The following GPHN variants were observed in gnomAD, a reference collection of about 807,000 sequenced individuals.
GPHN encodes gephyrin.
In GPHN, 17 loss-of-function variants were observed where a neutral mutation model predicts 95.5. That is an observed-to-expected ratio of 0.18 (90% CI 0.12 to 0.27). GPHN has a LOEUF of 0.27. Among genes scored for constraint, GPHN ranks in the 10% least tolerant of loss-of-function variants. The pLI, the probability that GPHN is intolerant of heterozygous loss-of-function variation, is 1.00. For synonymous variants in GPHN, 320 were observed against 322.5 expected, an observed-to-expected ratio of 0.99 and a Z score of 0.08; for missense variants, 660 against 978.1, an observed-to-expected ratio of 0.67 and a Z score of 4.34.
intron 1 of GPHN, among the ~76,000 whole-genome samples, chr14:66,584,280 A>G (rs2140501069): frequency 6.6e-6 from 1 of 152,150 alleles, no homozygotes; most frequent in Admixed American, 6.5e-5. Context: ...GCTTAAGGAG[A>G]TTTTGGGCTG....
At chr14:67,542,000 C>A in the GPHN span, 1 of 1,599,038 alleles carries the variant, frequency 6.3e-7, no homozygotes, top group South Asian at 1.1e-5. Flanking sequence ...CAAGGTGAGT[C>A]CCTCAGAGCA....
intron 16 of GPHN, among the ~76,000 whole-genome samples, chr14:67,119,417 G>A (rs1442419422): frequency 6.6e-6 from 1 of 152,214 alleles, no homozygotes. Flanking sequence ...TGAAAATGTA[G>A]GGTCAAGGAA....
chr14:67,199,886 C>A, the GPHN span: 4 of 1,488,626 alleles, frequency 2.7e-6, no homozygotes, highest in Non-Finnish European at 3.6e-6. Context: ...CATGGCCCCC[C>A]ATCGGCAGGA....
the GPHN span, among the ~76,000 whole-genome samples, chr14:67,510,018 T>A: frequency 2.1e-5 from 2 of 93,582 alleles, no homozygotes; most frequent in African/African-American, 2.9e-5. Flanking sequence ...TCTAAAAAAA[T>A]TTTTTTATTA....
intron 1 of GPHN, among the ~76,000 whole-genome samples, chr14:66,584,254 C>G (rs1459778730): frequency 2.0e-5 from 3 of 152,098 alleles, no homozygotes; most frequent in African/African-American, 7.2e-5. Flanking sequence ...TGAGACTTTG[C>G]TGAAGTTGCT....
At chr14:66,739,652 G>T (rs1484067662) in intron 2 of GPHN, among the ~76,000 whole-genome samples, 1 of 151,822 alleles carries the variant, frequency 6.6e-6, no homozygotes, top group Non-Finnish European at 1.5e-5. Context: ...AGATTCTCTG[G>T]TGAATTCACT....
chr14:67,023,967 T>C (rs1475050331), intron 10 of GPHN, among the ~76,000 whole-genome samples: 7 of 152,138 alleles, frequency 4.6e-5, no homozygotes, highest in African/African-American at 1.4e-4. Context: ...TGCCAAAAGT[T>C]ATTTGAAAAC....
At chr14:67,141,386 A>G (rs907958323) in intron 17 of GPHN, among the ~76,000 whole-genome samples, 1 of 152,194 alleles carries the variant, frequency 6.6e-6, no homozygotes, top group Non-Finnish European at 1.5e-5. Context: ...TAAAAATCCC[A>G]AGCATGCTAT....
downstream of GPHN, among the ~76,000 whole-genome samples, chr14:67,184,106 T>A (rs2140224534): frequency 6.6e-6 from 1 of 152,290 alleles, no homozygotes; most frequent in South Asian, 2.1e-4. Context: ...GTTACAGGCA[T>A]GAGCCACCAC....
intron 9 of GPHN, among the ~76,000 whole-genome samples, chr14:67,002,056 C>T (rs2072268254): frequency 6.6e-6 from 1 of 151,604 alleles, no homozygotes; most frequent in South Asian, 2.1e-4. Context: ...TGTTCTTCAG[C>T]TAAGCCACAG....
intron 1 of GPHN, among the ~76,000 whole-genome samples, chr14:66,515,031 A>G (rs1200844560): frequency 1.3e-5 from 2 of 152,034 alleles, no homozygotes; most frequent in East Asian, 1.9e-4. Flanking sequence ...CTACTTTACA[A>G]AGTTTTCAGA....
chr14:66,672,392 A>G (rs571192675), intron 1 of GPHN, among the ~76,000 whole-genome samples: 9 of 152,232 alleles, frequency 5.9e-5, no homozygotes, highest in Admixed American at 5.9e-4. Flanking sequence ...CTTTTATTGG[A>G]TGAAGTCATC....
intron 2 of GPHN, among the ~76,000 whole-genome samples, chr14:66,767,905 T>C (rs974612610): frequency 5.3e-5 from 8 of 151,980 alleles, no homozygotes; most frequent in African/African-American, 1.7e-4. Context: ...AAGAAGAGAA[T>C]ACTTGCACAT....
chr14:67,350,558 T>C, the GPHN span: 1 of 1,462,794 alleles, frequency 6.8e-7, no homozygotes, highest in South Asian at 1.2e-5. Flanking sequence ...AATGAAATTA[T>C]GAGACTGAAA....
At chr14:67,348,937 G>A in the GPHN span, 1 of 1,125,784 alleles carries the variant, frequency 8.9e-7, no homozygotes, top group East Asian at 2.5e-5. Context: ...CTAAGTAGAA[G>A]GAAGAAACTA....
chr14:67,679,569 A>G, the GPHN span, among the ~76,000 whole-genome samples: 122 of 152,182 alleles, frequency 8.0e-4, 2 homozygotes, highest in African/African-American at 2.6e-3. Context: ...ATGACTGGCT[A>G]ATTTTTGTAT....
intron 3 of GPHN, among the ~76,000 whole-genome samples, chr14:66,802,881 G>A (rs2060410659): frequency 6.6e-6 from 1 of 152,064 alleles, no homozygotes; most frequent in African/African-American, 2.4e-5. Context: ...GGATGGAAGT[G>A]TCTCTTTTGG....
chr14:67,399,361 T>G, the GPHN span, among the ~76,000 whole-genome samples: 54 of 126,312 alleles, frequency 4.3e-4, no homozygotes, highest in Admixed American at 2.0e-3. Flanking sequence ...GTTTAGGTGG[T>G]TCTCAGGTGG....
chr14:67,477,568 G>GCTC, the GPHN span, among the ~76,000 whole-genome samples: 1 of 152,036 alleles, frequency 6.6e-6, no homozygotes, highest in South Asian at 2.1e-4. Flanking sequence ...TACACCTATA[G>GCTC]CTCCTGCCCT....
Sources: allele counts gnomAD v4.1 joint callset (sites outside exome capture counted in the v4.1 genomes callset), GRCh38; gene constraint gnomAD v4.1.1; transcripts MANE v1.5; gene names NCBI Gene and HGNC (gene_info 2026-07-23, HGNC 2026-07-21).